MAGI1: variants seen among roughly 807,000 people sequenced by gnomAD.
MAGI1 encodes the protein membrane associated guanylate kinase, WW and PDZ domain containing 1.
A neutral mutation model predicts 139.9 loss-of-function variants in MAGI1; 58 were observed. The observed-to-expected ratio is 0.41, with a 90% CI of 0.34 to 0.52. The LOEUF is 0.52. MAGI1 is among the 20% of genes least tolerant of loss of function. The pLI is 0.12. For synonymous variants in MAGI1, 812 were observed against 737.9 expected (o/e 1.10, Z -1.63); for missense variants, 1,874 against 1,901.6 (o/e 0.99, Z 0.27).
At position 65,379,269 on chromosome 3, in the gene MAGI1, G is replaced by T. The variant is rs761639684; in HGVS notation, c.2987C>A (p.Thr996Lys). The T allele has an allele frequency of 6.2e-7, 1 of 1,611,822 alleles. No homozygotes were observed. Among genetic ancestry groups the T allele is most frequent in the Non-Finnish European group, 8.5e-7 (1 of 1,179,012 alleles). ...VSSVSRPEAG[T>K]TFGNACVAMP... Reference sequence around the variant, plus strand: ...TCACGTTCAGCACTCACCAAAGGTCGTGCCTGCTTCGGGCCTGCTCACCGA... The same window carrying T: ...TCACGTTCAGCACTCACCAAAGGTCTTGCCTGCTTCGGGCCTGCTCACCGA... Residue 996 changes from threonine to lysine, a missense_variant, in exon 17 of 23, where the codon ACG becomes AAG. Physicochemically the swap from Thr to Lys is moderately conservative, Grantham distance 78. Coordinates refer to ENST00000402939, the MANE Select transcript of MAGI1 (RefSeq NM_001033057.2).
chr3:65,716,794 A>C (rs2032306774), intron 1 of MAGI1, among the ~76,000 whole-genome samples: 1 of 152,192 alleles, frequency 6.6e-6, no homozygotes. Flanking sequence ...TAGGGGTTTT[A>C]AAAAATCAGC....
chr3:65,722,692 T>C (rs1053709544), intron 1 of MAGI1, among the ~76,000 whole-genome samples: 1 of 152,194 alleles, frequency 6.6e-6, no homozygotes, highest in Non-Finnish European at 1.5e-5. Flanking sequence ...AACTCTGTGA[T>C]AACAAAGACT....
intron 1 of MAGI1, among the ~76,000 whole-genome samples, chr3:65,893,408 C>A (rs2108585105): frequency 6.6e-6 from 1 of 151,648 alleles, no homozygotes; most frequent in Non-Finnish European, 1.5e-5. Context: ...ACAAAATTTA[C>A]ATAACGCCTT....
At chr3:65,556,409 C>G (rs771663796) in intron 2 of MAGI1, among the ~76,000 whole-genome samples, 4 of 152,298 alleles carry the variant, frequency 2.6e-5, no homozygotes, top group Non-Finnish European at 5.9e-5. Flanking sequence ...GACATTTACT[C>G]ACTACATATA....
intron 13 of MAGI1, among the ~76,000 whole-genome samples, chr3:65,396,686 A>T (rs1559521517): frequency 1.3e-5 from 2 of 152,238 alleles, no homozygotes; most frequent in Admixed American, 6.5e-5. Flanking sequence ...AATTATTTAC[A>T]GTTCACTTAT....
intron 2 of MAGI1, among the ~76,000 whole-genome samples, chr3:65,518,094 G>A (rs796307646): frequency 7.9e-5 from 12 of 152,242 alleles, no homozygotes; most frequent in African/African-American, 2.6e-4. Context: ...ATTAGGTGCT[G>A]AATAAACATC....
chr3:66,006,731 G>A (rs1422529115), intron 1 of MAGI1, among the ~76,000 whole-genome samples: 1 of 152,088 alleles, frequency 6.6e-6, no homozygotes, highest in Non-Finnish European at 1.5e-5. Flanking sequence ...AATAAAACAG[G>A]GGAATGGGAT....
intron 2 of MAGI1, among the ~76,000 whole-genome samples, chr3:65,527,053 G>A (rs73832896): frequency 0.015 from 2,304 of 152,302 alleles, 52 homozygotes; most frequent in African/African-American, 0.052. Flanking sequence ...TAAGATTCAC[G>A]TATCTTCTCT....
chr3:65,815,295 C>G (rs539976778), intron 1 of MAGI1, among the ~76,000 whole-genome samples: 4 of 152,298 alleles, frequency 2.6e-5, no homozygotes, highest in East Asian at 3.9e-4. Flanking sequence ...CTTTAAAGAA[C>G]GAAGCACTAC....
Position 65,621,986 on chromosome 3 carries a change from C to T in MAGI1, c.416G>A (p.Arg139His), listed in dbSNP as rs368884916. 1.7e-5 allele frequency: 28 copies of T among 1,611,350 alleles called. No homozygotes were observed. Among genetic ancestry groups the T allele is most frequent in the African/African-American group, 4.0e-5 (3 of 74,708 alleles). The stretch of plus-strand genomic sequence containing the variant: ...CAACTACTTACAAGGCACAGCATGG[C>T]GGTAAAGGTTATCCCTTATGGTCTG... Reference protein sequence around the residue: ...LQQTIRDNLYRHAVPCTTRSP... With the variant: ...LQQTIRDNLYHHAVPCTTRSP... Residue 139 changes from arginine to histidine, a missense_variant, in exon 2 of 23, where the codon CGC (arginine) becomes CAC (histidine). Physicochemically the swap from Arg to His is conservative, Grantham distance 29. Transcript: ENST00000402939.
intron 3 of MAGI1, among the ~76,000 whole-genome samples, chr3:65,480,299 G>A (rs1227172263): frequency 6.6e-6 from 1 of 152,032 alleles, no homozygotes; most frequent in East Asian, 1.9e-4. Context: ...TTGGGAGGCT[G>A]AGGCGGGCTA....
At chr3:65,639,917 G>A (rs375311764) in intron 1 of MAGI1, among the ~76,000 whole-genome samples, 2 of 151,182 alleles carry the variant, frequency 1.3e-5, no homozygotes, top group African/African-American at 2.4e-5. Flanking sequence ...CAGGAGAATC[G>A]CTTGAACCCA....
chr3:65,803,034 C>T (rs972544619), intron 1 of MAGI1, among the ~76,000 whole-genome samples: 1 of 152,162 alleles, frequency 6.6e-6, no homozygotes, highest in Non-Finnish European at 1.5e-5. Flanking sequence ...TCCCACCACA[C>T]TGCTTCAATA....
At chr3:65,375,697 A>G in intron 18 of MAGI1, 48 bp downstream of exon 18, 2 of 1,303,098 alleles carry the variant, frequency 1.5e-6, no homozygotes, top group Non-Finnish European at 2.2e-6. Flanking sequence ...ACAGAGACAG[A>G]GAGAGAGAAA....
intron 2 of MAGI1, among the ~76,000 whole-genome samples, chr3:65,522,502 A>G (rs1482832817): frequency 6.6e-6 from 1 of 152,198 alleles, no homozygotes; most frequent in Non-Finnish European, 1.5e-5. Context: ...TGTATGAGAA[A>G]GGGTACACTT....
At position 65,356,628 on chromosome 3, in the gene MAGI1, T is replaced by G; in HGVS notation, c.4139A>C (p.Gln1380Pro). 6.3e-7 allele frequency: 1 copy of G among 1,590,962 alleles called. No homozygotes were observed. The highest frequency in any genetic ancestry group is 8.5e-7 in the Non-Finnish European group (1 of 1,170,972). ...TCTCCTGCGCTCGGGGGACCTCCTCTGCTCCAGGAGTCTCTCCAGAGACCG... is the reference window on the plus strand; with the variant it reads ...TCTCCTGCGCTCGGGGGACCTCCTCGGCTCCAGGAGTCTCTCCAGAGACCG... ...RRRSLERLLEQRRSPERRRGG... is the reference protein window; with the variant it reads ...RRRSLERLLEPRRSPERRRGG... Residue 1380 changes from glutamine to proline, a missense_variant, in exon 23 of 23, where the codon CAG becomes CCG. By Grantham distance (76) the Gln-to-Pro change is moderately conservative. Around this residue, in one of 5 missense-constraint regions of MAGI1, gnomAD observed 653 missense variants for 644.5 expected, o/e 1.01. Transcript: ENST00000402939.
At chr3:65,405,349 G>A (rs555043633) in intron 12 of MAGI1, among the ~76,000 whole-genome samples, 1 of 152,310 alleles carries the variant, frequency 6.6e-6, no homozygotes, top group Non-Finnish European at 1.5e-5. Flanking sequence ...GAATGTCATA[G>A]TTGGTGAAAT....
chr3:65,429,992 G>A lies in MAGI1; in HGVS notation c.1695C>T (p.Pro565=). The A allele has an allele frequency of 1.9e-6, 3 of 1,613,852 alleles. No homozygotes were observed. The highest frequency in any genetic ancestry group is 2.2e-5 in the South Asian group (2 of 91,074). The change falls in exon 12 of 23, where the codon CCC becomes CCT. Residue 565 remains proline (P), a synonymous_variant. Transcript: ENST00000402939. The part of the protein sequence containing the change: ...GYPLPFDPDD[P]NTSLVTSVAI... ...CTACCGAGGTCACTAAACTTGTATT[G>A]GGGTCATCTGGATCAAAAGGCAATG...
At chr3:65,855,625 G>GGGGAGGGGAGAAGGGAGGGGAGAA in intron 1 of MAGI1, among the ~76,000 whole-genome samples, 1 of 109,362 alleles carries the variant, frequency 9.1e-6, no homozygotes, top group Non-Finnish European at 1.9e-5. Context: ...GGAGGAGAGA[G>GGGGAGGGGAGAAGGGAGGGGAGAA]GGGAGGGGAA....
Sources: allele counts gnomAD v4.1 joint callset (sites outside exome capture counted in the v4.1 genomes callset), GRCh38; gene constraint gnomAD v4.1.1; regional missense constraint gnomAD v4.1.1; transcripts MANE v1.5; gene names NCBI Gene and HGNC (gene_info 2026-07-23, HGNC 2026-07-21).